NDUFS4: variants seen among roughly 807,000 people sequenced by gnomAD.
The protein encoded by NDUFS4 is NADH dehydrogenase [ubiquinone] iron-sulfur protein 4, mitochondrial.
NDUFS4 carries 28 observed loss-of-function variants against 24.3 expected under a neutral mutation model. That is an observed-to-expected ratio of 1.15 (90% CI 0.85 to 1.58). NDUFS4 has a LOEUF of 1.58. Among genes scored for constraint, NDUFS4 ranks in the 40% most tolerant of loss-of-function variants. NDUFS4 has a pLI of 0.00. For missense variants in NDUFS4, 223 were observed against 207.9 expected (o/e 1.07, Z -0.45); for synonymous variants, 93 against 69.7 (o/e 1.34, Z -1.67).
intron 1 of NDUFS4, among the ~76,000 whole-genome samples, chr5:53,570,894 G>A (rs1177719973): frequency 6.6e-6 from 1 of 151,840 alleles, no homozygotes; most frequent in Non-Finnish European, 1.5e-5. Flanking sequence ...ATGTTGGTCA[G>A]GCTAGTCTCG....
intron 1 of NDUFS4, among the ~76,000 whole-genome samples, chr5:53,577,959 A>G (rs1749440115): frequency 6.6e-6 from 1 of 152,116 alleles, no homozygotes; most frequent in South Asian, 2.1e-4. Context: ...TTTTCTCTTC[A>G]GTGATACTGC....
At chr5:53,636,046 T>A (rs1462461457) in intron 2 of NDUFS4, among the ~76,000 whole-genome samples, 2 of 152,156 alleles carry the variant, frequency 1.3e-5, no homozygotes, top group Admixed American at 6.5e-5. Context: ...ACAAATGTTT[T>A]ACTTATTATT....
intron 2 of NDUFS4, among the ~76,000 whole-genome samples, chr5:53,617,805 A>G (rs994131294): frequency 1.3e-5 from 2 of 152,232 alleles, no homozygotes; most frequent in Admixed American, 6.5e-5. Context: ...AGTGAGATAC[A>G]TGGGATAATG....
At chr5:53,577,089 G>A (rs1303384390) in intron 1 of NDUFS4, among the ~76,000 whole-genome samples, 2 of 152,088 alleles carry the variant, frequency 1.3e-5, no homozygotes, top group Non-Finnish European at 2.9e-5. Flanking sequence ...GAGCTTGCCT[G>A]GGAAGTAGGA....
intron 2 of NDUFS4, among the ~76,000 whole-genome samples, chr5:53,614,028 A>G (rs1006539673): frequency 6.6e-6 from 1 of 151,968 alleles, no homozygotes; most frequent in Non-Finnish European, 1.5e-5. Flanking sequence ...TATAAACATG[A>G]ACTAATATTA....
At chr5:53,614,128 T>A (rs572119997) in intron 2 of NDUFS4, among the ~76,000 whole-genome samples, 1 of 152,036 alleles carries the variant, frequency 6.6e-6, no homozygotes, top group Admixed American at 6.6e-5. Flanking sequence ...TTTTTTCTAC[T>A]CTCCTTGATG....
In NDUFS4 at chr5:53,603,517, T is replaced by C. The variant is rs1285556707; in HGVS notation, c.164T>C (p.Val55Ala). The C allele has an allele frequency of 5.6e-6, 9 of 1,613,746 alleles. No homozygotes were observed. Among genetic ancestry groups the C allele is most frequent in the South Asian group, 3.3e-5 (3 of 91,058 alleles). The change falls in exon 2 of 5, where the codon GTT (valine) becomes GCT (alanine). Residue 55 changes from valine to alanine, a missense_variant. By Grantham distance (64) the Val-to-Ala change is moderately conservative. Coordinates refer to ENST00000296684, the MANE Select transcript of NDUFS4 (RefSeq NM_002495.4). ...ACTCAAGACACACAACTCATAACAGTTGATGAAAAATTGGTAAGGATTTTC... is the reference window on the plus strand; with the variant it reads ...ACTCAAGACACACAACTCATAACAGCTGATGAAAAATTGGTAAGGATTTTC... ...DQTQDTQLIT[V>A]DEKLDITTLT...
At chr5:53,650,207 G>A (rs895277147) in intron 3 of NDUFS4, among the ~76,000 whole-genome samples, 3 of 152,106 alleles carry the variant, frequency 2.0e-5, no homozygotes, top group African/African-American at 7.2e-5. Flanking sequence ...GAGTACTTGT[G>A]CCTTGTATAC....
At position 53,646,309 on chromosome 5, in the gene NDUFS4, ATAACATGCAGTC is replaced by A; in HGVS notation, c.256_267del (p.Asn86_Ser89del). 1 of 1,613,642 alleles carries A rather than the reference ATAACATGCAGTC, an allele frequency of 6.2e-7. No homozygotes were observed. The highest frequency in any genetic ancestry group is 8.5e-7 in the Non-Finnish European group (1 of 1,179,630). On this transcript the variant is annotated inframe_deletion, in exon 3 of 5. Coordinates refer to ENST00000296684, the MANE Select transcript of NDUFS4 (RefSeq NM_002495.4). ...GTCAGGATCTTTGTTCCTGCTCGCA[ATAACATGCAGTC>A]TGGAGTAAACAACACAAAGAAATGG...
At chr5:53,586,508 G>C (rs932352842) in intron 1 of NDUFS4, among the ~76,000 whole-genome samples, 2 of 96,084 alleles carry the variant, frequency 2.1e-5, no homozygotes, top group East Asian at 6.7e-4. Context: ...TAGTTAGTTA[G>C]TTAGTTTGTT....
intron 1 of NDUFS4, among the ~76,000 whole-genome samples, chr5:53,580,685 C>T (rs907398918): frequency 1.3e-5 from 2 of 149,794 alleles, no homozygotes; most frequent in East Asian, 3.9e-4. Context: ...CTTTCTCTTT[C>T]GTCCTTCCTT....
At chr5:53,641,851 T>C (rs1456785183) in intron 2 of NDUFS4, among the ~76,000 whole-genome samples, 1 of 152,144 alleles carries the variant, frequency 6.6e-6, no homozygotes, top group Non-Finnish European at 1.5e-5. Flanking sequence ...TCTTTTATGG[T>C]TGAAATAGAA....
chr5:53,639,225 A>G (rs1314168433), intron 2 of NDUFS4, among the ~76,000 whole-genome samples: 1 of 151,666 alleles, frequency 6.6e-6, no homozygotes, highest in East Asian at 1.9e-4. Flanking sequence ...AACTATATAT[A>G]TATATTAGAA....
chr5:53,630,318 T>G (rs1266530149), intron 2 of NDUFS4, among the ~76,000 whole-genome samples: 1 of 152,062 alleles, frequency 6.6e-6, no homozygotes, highest in Non-Finnish European at 1.5e-5. Flanking sequence ...TAACATTTTT[T>G]CTTCATTTCA....
At chr5:53,640,205 A>C (rs1174110775) in intron 2 of NDUFS4, among the ~76,000 whole-genome samples, 1 of 152,086 alleles carries the variant, frequency 6.6e-6, no homozygotes, top group East Asian at 1.9e-4. Flanking sequence ...GGATTCTGGC[A>C]GGGGTAGACG....
intron 2 of NDUFS4, among the ~76,000 whole-genome samples, chr5:53,627,464 C>G (rs900946402): frequency 2.0e-5 from 3 of 152,120 alleles, no homozygotes; most frequent in African/African-American, 7.2e-5. Flanking sequence ...CTGTAAATTA[C>G]TTTGGGCAGT....
chr5:53,583,353 T>C (rs1749635551), intron 1 of NDUFS4, among the ~76,000 whole-genome samples: 1 of 152,220 alleles, frequency 6.6e-6, no homozygotes, highest in South Asian at 2.1e-4. Flanking sequence ...AAAATGTATA[T>C]GTGGAGTCCT....
intron 2 of NDUFS4, among the ~76,000 whole-genome samples, chr5:53,630,558 C>T (rs1451358734): frequency 6.6e-6 from 1 of 152,038 alleles, no homozygotes; most frequent in Non-Finnish European, 1.5e-5. Context: ...TCGTATATTT[C>T]TTGGAGGCTT....
intron 3 of NDUFS4, among the ~76,000 whole-genome samples, chr5:53,654,049 A>G (rs537938323): frequency 3.9e-5 from 6 of 152,170 alleles, no homozygotes; most frequent in African/African-American, 1.4e-4. Flanking sequence ...GCCTTGTTGC[A>G]TTGGCTAGAA....
Sources: allele counts gnomAD v4.1 joint callset (sites outside exome capture counted in the v4.1 genomes callset), GRCh38; gene constraint gnomAD v4.1.1; transcripts MANE v1.5; gene names NCBI Gene and HGNC (gene_info 2026-07-23, HGNC 2026-07-21).